Variants in LDHC observed in about 807,000 individuals in gnomAD.
The protein encoded by LDHC is lactate dehydrogenase C, also known as L-lactate dehydrogenase C chain.
LDHC carries 20 observed loss-of-function variants against 30.2 expected under a neutral mutation model. The observed-to-expected ratio is 0.66, with a 90% CI of 0.47 to 0.96. The LOEUF is 0.96. Ranked by LOEUF, LDHC falls within the 40% of genes least tolerant of loss-of-function variation. The probability of loss-of-function intolerance (pLI) is 0.00; values close to 1 mark genes in which losing one functional copy is unlikely to be tolerated. For synonymous variants in LDHC, 139 were observed against 132.7 expected (o/e 1.05, Z -0.32); for missense variants, 362 against 394.9 (o/e 0.92, Z 0.71).
chr11:18,449,279 A>C (rs988861197), intron 7 of LDHC, among the ~76,000 whole-genome samples: 3 of 151,828 alleles, frequency 2.0e-5, no homozygotes, highest in Non-Finnish European at 4.4e-5. Flanking sequence ...TCTATAAAAA[A>C]TGAAAAGAAA....
chr11:18,428,704 G>A (rs113157264), intron 3 of LDHC, among the ~76,000 whole-genome samples: 2,091 of 151,852 alleles, frequency 0.014, 53 homozygotes, highest in African/African-American at 0.047. Context: ...GTGAAACCCC[G>A]TCTCTACCAA....
At position 18,412,829 on chromosome 11, in the gene LDHC, A is replaced by G; in HGVS notation, c.112A>G (p.Ser38Gly). 6.2e-7 allele frequency: 1 copy of G among 1,613,546 alleles called. No individual in the cohort carries two copies. Among genetic ancestry groups the G allele is most frequent in the Admixed American group, 1.7e-5 (1 of 59,916 alleles). The change falls in exon 2 of 8, where the codon AGT becomes GGT. Residue 38 changes from serine to glycine, a missense_variant. Ser to Gly is a moderately conservative substitution (Grantham distance 56, BLOSUM62 0). Transcript: ENST00000541669. ...TGCCGTAGGCATGGCTTGTGCTATT[A>G]GTATCTTACTGAAGGTGAGTGAGAA... ...TGAVGMACAI[S>G]ILLKDLADEL...
chr11:18,425,812 C>T (rs1311063715), intron 3 of LDHC, among the ~76,000 whole-genome samples: 2 of 151,692 alleles, frequency 1.3e-5, no homozygotes, highest in South Asian at 2.1e-4. Context: ...TGTTGGCAGG[C>T]GCCTGTAGTC....
intron 6 of LDHC, among the ~76,000 whole-genome samples, chr11:18,440,230 C>T (rs1848441611): frequency 6.6e-6 from 1 of 151,684 alleles, no homozygotes. Flanking sequence ...AGGAGAATCG[C>T]CTGAACCTGG....
intron 5 of LDHC, among the ~76,000 whole-genome samples, chr11:18,436,856 T>C (rs971455790): frequency 1.3e-5 from 2 of 152,194 alleles, no homozygotes; most frequent in Non-Finnish European, 2.9e-5. Context: ...CACCATCCTC[T>C]TTCTGTCATA....
At chr11:18,440,228 C>T (rs1035352658) in intron 6 of LDHC, among the ~76,000 whole-genome samples, 9 of 150,656 alleles carry the variant, frequency 6.0e-5, no homozygotes, top group African/African-American at 1.7e-4. Flanking sequence ...GCAGGAGAAT[C>T]GCCTGAACCT....
chr11:18,436,868 A>T (rs1848364899), intron 5 of LDHC, among the ~76,000 whole-genome samples: 1 of 152,120 alleles, frequency 6.6e-6, no homozygotes. Flanking sequence ...TCTGTCATAC[A>T]TGTAATTATT....
In LDHC at chr11:18,412,434, C is replaced by A. The variant is rs975180905; in HGVS notation, c.-10+26C>A. 29 of 327,498 alleles carry A rather than the reference C, an allele frequency of 8.9e-5. No homozygotes were observed. The South Asian group carries it at 9.2e-4, about 10-fold the overall frequency. The allele number at this position is 327,498 out of a possible 1,614,324, so 20.3% of individuals were successfully genotyped here. A position where few individuals can be genotyped will look rare whatever the true frequency, so the allele number is the denominator to read the frequency against. The stretch of plus-strand genomic sequence containing the variant: ...GTGGTGCTTTGTCCCTGTGGGTCAT[C>A]TGTACTGATTGCGCCAAGCAAAGCA... On this transcript the variant is annotated intron_variant, in intron 1 of 7. Transcript: ENST00000541669.
At chr11:18,420,922 G>T (rs1848035701) in intron 3 of LDHC, among the ~76,000 whole-genome samples, 2 of 152,082 alleles carry the variant, frequency 1.3e-5, no homozygotes, top group South Asian at 4.2e-4. Flanking sequence ...TACGGGCGAG[G>T]GGTGATAGTG....
chr11:18,430,522 C>A (rs541762201), intron 4 of LDHC, among the ~76,000 whole-genome samples: 2 of 151,992 alleles, frequency 1.3e-5, no homozygotes, highest in Non-Finnish European at 2.9e-5. Context: ...CCACCACACC[C>A]AGCTAATTTT....
At chr11:18,448,251 C>A (rs188739565) in intron 7 of LDHC, among the ~76,000 whole-genome samples, 3 of 151,936 alleles carry the variant, frequency 2.0e-5, no homozygotes, top group Admixed American at 2.0e-4. Context: ...TAGCCTTTAC[C>A]GAACAAGTCA....
intron 6 of LDHC, 147 bp from the exon 7 acceptor site, chr11:18,446,063 T>C: frequency 1.6e-6 from 1 of 632,038 alleles, no homozygotes; most frequent in Admixed American, 3.0e-5. Flanking sequence ...TGTTGCCTGT[T>C]TATAAATTCT....
chr11:18,423,467 A>G (rs555961409), intron 3 of LDHC, among the ~76,000 whole-genome samples: 6 of 152,330 alleles, frequency 3.9e-5, no homozygotes, highest in East Asian at 3.9e-4. Context: ...TAGGAAATTT[A>G]TGGACCTTTA....
intron 6 of LDHC, among the ~76,000 whole-genome samples, chr11:18,445,926 G>A (rs922815447): frequency 6.6e-6 from 1 of 152,142 alleles, no homozygotes; most frequent in East Asian, 1.9e-4. Context: ...AGTGAGCCAT[G>A]ATCACACACA....
At chr11:18,434,602 C>A in intron 4 of LDHC, 138 bp from the exon 5 acceptor site, 1 of 585,988 alleles carries the variant, frequency 1.7e-6, no homozygotes, top group South Asian at 2.2e-5. Context: ...CGTGAGCCAC[C>A]GCACCCAGCC....
intron 4 of LDHC, among the ~76,000 whole-genome samples, chr11:18,433,328 G>T (rs577380982): frequency 1.3e-5 from 2 of 151,946 alleles, no homozygotes; most frequent in East Asian, 3.9e-4. Context: ...AGAGGTTGCA[G>T]TGAGCTGAGA....
chr11:18,445,696 C>T (rs1286415880), intron 6 of LDHC, among the ~76,000 whole-genome samples: 1 of 152,124 alleles, frequency 6.6e-6, no homozygotes, highest in Non-Finnish European at 1.5e-5. Context: ...GTAGGCTGGG[C>T]ACGGTGGCTC....
intron 2 of LDHC, 150 bp from the exon 3 acceptor site, chr11:18,415,034 C>A (rs1267267076): frequency 6.3e-6 from 3 of 477,002 alleles, no homozygotes; most frequent in Non-Finnish European, 1.1e-5. Context: ...GACTTTCGGT[C>A]ACCCAGGCTC....
intron 2 of LDHC, 64 bp from the exon 3 acceptor site, chr11:18,415,120 A>C (rs1476636192): frequency 1.2e-6 from 1 of 830,676 alleles, no homozygotes; most frequent in African/African-American, 1.7e-5. Flanking sequence ...GCCACATGAA[A>C]ATTCTTCTTA....
Sources: allele counts gnomAD v4.1 joint callset (sites outside exome capture counted in the v4.1 genomes callset), GRCh38; gene constraint gnomAD v4.1.1; transcripts MANE v1.5; gene names NCBI Gene and HGNC (gene_info 2026-07-23, HGNC 2026-07-21).